Variants in OPA1 observed in about 807,000 individuals in gnomAD.
OPA1 encodes dynamin-like GTPase OPA1, mitochondrial.
OPA1 carries 59 observed loss-of-function variants against 152.9 expected under a neutral mutation model. The ratio of observed to expected loss-of-function variants is 0.39; its 90% confidence interval spans 0.31 to 0.48. The LOEUF (loss-of-function observed/expected upper bound fraction) is 0.48. Among genes scored for constraint, OPA1 ranks in the 20% least tolerant of loss-of-function variants. The probability of loss-of-function intolerance (pLI) is 0.96; values close to 1 mark genes in which losing one functional copy is unlikely to be tolerated. For missense variants in OPA1, 1,008 were observed against 1,216.8 expected (o/e 0.83, Z 2.55); for synonymous variants, 400 against 389.9 (o/e 1.03, Z -0.31).
intron 1 of OPA1, among the ~76,000 whole-genome samples, chr3:193,611,769 G>A (rs1728284770): frequency 6.6e-6 from 1 of 151,992 alleles, no homozygotes; most frequent in African/African-American, 2.4e-5. Context: ...ACTCCTTGCT[G>A]TACTTTGAGC....
Position 193,635,121 on chromosome 3 carries a change from A to G in OPA1, c.844-297A>G, listed in dbSNP as rs183081446. Among the ~76,000 whole-genome samples the G allele has an allele frequency of 4.2e-3, 640 of 152,342 alleles. 1 individual carries two copies. The highest frequency in any genetic ancestry group is 6.7e-3 in the Non-Finnish European group (454 of 68,022). On this transcript the variant is annotated intron_variant, in intron 8 of 30. Transcript: ENST00000361510. The stretch of plus-strand genomic sequence containing the variant: ...CCCTTCTAGAATGTATTTAAGAACT[A>G]CTTCTTTAAATTCTTACGTTTTCAC...
intron 1 of OPA1, among the ~76,000 whole-genome samples, chr3:193,610,424 T>C (rs893939391): frequency 6.6e-6 from 1 of 152,200 alleles, no homozygotes; most frequent in African/African-American, 2.4e-5. Context: ...TACCCGGCCA[T>C]GTGAGGTGTC....
intron 3 of OPA1, 53 bp from the exon 4 acceptor site, chr3:193,617,125 G>C: frequency 1.9e-6 from 2 of 1,067,036 alleles, no homozygotes; most frequent in Non-Finnish European, 2.9e-6. Flanking sequence ...TATAAGAATA[G>C]TATCTGACAT....
At chr3:193,643,348 T>C in intron 13 of OPA1, 25 bp from the exon 14 acceptor site, 1 of 1,557,334 alleles carries the variant, frequency 6.4e-7, no homozygotes, top group Non-Finnish European at 8.9e-7. Flanking sequence ...TTTAGCATTG[T>C]TTTATTTTTA....
At position 193,690,170 on chromosome 3, in the gene OPA1, C is replaced by T. The variant is rs559490163; in HGVS notation, c.2984-1893C>T. Among the ~76,000 whole-genome samples, 42 of 146,846 alleles carry T rather than the reference C, an allele frequency of 2.9e-4. No homozygotes were observed. The South Asian group carries it at 5.9e-3, about 21-fold the overall frequency. The stretch of plus-strand genomic sequence containing the variant: ...AGCCTACCAAAAAATTGAGACTCAA[C>T]TTCTAGGAGATGGGTTAGGATTTTT... On this transcript the variant is annotated intron_variant, in intron 29 of 30. Transcript: ENST00000361510.
At chr3:193,601,900 C>T (rs76016217) in intron 1 of OPA1, among the ~76,000 whole-genome samples, 2,176 of 152,216 alleles carry the variant, frequency 0.014, 51 homozygotes, top group African/African-American at 0.048. Context: ...GGGGCACTGG[C>T]ACCCTTGGAA....
At chr3:193,622,037 T>C (rs1027026709) in intron 6 of OPA1, among the ~76,000 whole-genome samples, 2 of 152,142 alleles carry the variant, frequency 1.3e-5, no homozygotes, top group Non-Finnish European at 2.9e-5. Context: ...TGTTTCTGAT[T>C]GGTCATAAGC....
rs1179862318 is a variant in OPA1, at chr3:193,695,158, C to T, written c.*558C>T. The T allele has an allele frequency of 6.6e-6, 1 of 151,988 alleles. No individual in the cohort carries two copies. The highest frequency in any genetic ancestry group is 1.5e-5 in the Non-Finnish European group (1 of 67,998). The allele number at this position is 151,988 out of a possible 1,614,324, so 9.4% of individuals were successfully genotyped here. A position where few individuals can be genotyped will look rare whatever the true frequency, so the allele number is the denominator to read the frequency against. The stretch of plus-strand genomic sequence containing the variant: ...AAAGAAAAATGGGTAACAGAAGAAC[C>T]CTTAAAACAGGTTAATTTGGATTGT... On this transcript the variant is annotated 3_prime_UTR_variant, in exon 31 of 31. Coordinates refer to ENST00000361510, the MANE Select transcript of OPA1 (RefSeq NM_130837.3).
In OPA1 at chr3:193,652,904, G is replaced by A. The variant is rs538947170; in HGVS notation, c.2013-1958G>A. On this transcript the variant is annotated intron_variant, in intron 21 of 30. Coordinates refer to ENST00000361510, the MANE Select transcript of OPA1 (RefSeq NM_130837.3). ...GTTGCCTTTAGCTTCTCGGGATTTG[G>A]TAATCAGGATTTTAAAAAGGGTGTC... Among the ~76,000 whole-genome samples the A allele has an allele frequency of 4.3e-4, 65 of 152,222 alleles. 1 individual carries two copies. Among genetic ancestry groups the A allele is most frequent in the South Asian group, 1.9e-3 (9 of 4,808 alleles).
intron 1 of OPA1, among the ~76,000 whole-genome samples, chr3:193,606,286 CTTTAAG>C (rs1049291404): frequency 6.6e-6 from 1 of 151,830 alleles, no homozygotes; most frequent in African/African-American, 2.4e-5. Flanking sequence ...TTTTATTATA[CTTTAAG>C]TTTTAGGGTA....
chr3:193,644,293 G>C, intron 16 of OPA1, 188 bp downstream of exon 16: 1 of 613,862 alleles, frequency 1.6e-6, no homozygotes, highest in Non-Finnish European at 2.7e-6. Context: ...AAGGAAACCA[G>C]GCTCACGTTT....
intron 11 of OPA1, among the ~76,000 whole-genome samples, chr3:193,640,612 T>A (rs1469522991): frequency 6.6e-6 from 1 of 152,222 alleles, no homozygotes. Context: ...GTGAAGTCTG[T>A]TAACAGATCG....
At chr3:193,652,891 T>G (rs776946053) in intron 21 of OPA1, among the ~76,000 whole-genome samples, 24 of 152,058 alleles carry the variant, frequency 1.6e-4, no homozygotes, top group Non-Finnish European at 3.4e-4. Flanking sequence ...TGCCTTTAGC[T>G]TCTCGGGATT....
At chr3:193,610,671 C>CTCCACCCTTG (rs1728069415) in intron 1 of OPA1, among the ~76,000 whole-genome samples, 1 of 152,226 alleles carries the variant, frequency 6.6e-6, no homozygotes, top group South Asian at 2.1e-4. Context: ...CCTTGAGCTG[C>CTCCACCCTTG]AGTGGGCTCC....
intron 6 of OPA1, among the ~76,000 whole-genome samples, chr3:193,625,085 A>G (rs1730845892): frequency 6.6e-6 from 1 of 151,524 alleles, no homozygotes; most frequent in Non-Finnish European, 1.5e-5. Flanking sequence ...GGCTTGTAAC[A>G]TTGTCAAATC....
Position 193,626,098 on chromosome 3 carries a change from C to A in OPA1, c.685C>A (p.Leu229Ile), listed in dbSNP as rs764955203. Reference sequence around the variant, plus strand: ...CATTGTGAACTCGTGGCAGGGTCTGCTTGGTGAGCTCATTCTCTTACAACA... The same window carrying A: ...CATTGTGAACTCGTGGCAGGGTCTGATTGGTGAGCTCATTCTCTTACAACA... ...ESDKHFRKGLLGELILLQQQI... is the reference protein window; with the variant it reads ...ESDKHFRKGLIGELILLQQQI... The change falls in exon 7 of 31, where the codon CTT becomes ATT. Residue 229 changes from leucine to isoleucine, a missense_variant. Transcript: ENST00000361510. 1.9e-6 allele frequency: 3 copies of A among 1,613,612 alleles called. No homozygotes were observed. Among genetic ancestry groups the A allele is most frequent in the Non-Finnish European group, 2.5e-6 (3 of 1,179,572 alleles).
chr3:193,692,877 C>T (rs913245828), intron 30 of OPA1, among the ~76,000 whole-genome samples: 2 of 152,250 alleles, frequency 1.3e-5, no homozygotes, highest in African/African-American at 4.8e-5. Context: ...CCACATCAGC[C>T]TCTCAAGGAA....
At chr3:193,667,810 G>A (rs188294092) in intron 29 of OPA1, among the ~76,000 whole-genome samples, 39 of 151,948 alleles carry the variant, frequency 2.6e-4, no homozygotes, top group Admixed American at 3.9e-4. Flanking sequence ...CATAGCAACC[G>A]AACATTGATA....
rs1452674798 is a variant in OPA1, at chr3:193,596,514, A to G, written c.32+3105A>G. Reference sequence around the variant, plus strand: ...CTTGGCCTCCCAAAATGCCAGGATTACAGGCGTGCGCCACTGCATTTGGCG... The same window carrying G: ...CTTGGCCTCCCAAAATGCCAGGATTGCAGGCGTGCGCCACTGCATTTGGCG... On this transcript the variant is annotated intron_variant, in intron 1 of 30. Coordinates refer to ENST00000361510, the MANE Select transcript of OPA1 (RefSeq NM_130837.3). Among the ~76,000 whole-genome samples, 4 of 151,724 alleles carry G rather than the reference A, an allele frequency of 2.6e-5. No homozygotes were observed. In the East Asian group the frequency reaches 7.7e-4, roughly 29 times the overall value.
Sources: allele counts gnomAD v4.1 joint callset (sites outside exome capture counted in the v4.1 genomes callset), GRCh38; gene constraint gnomAD v4.1.1; transcripts MANE v1.5; gene names NCBI Gene and HGNC (gene_info 2026-07-23, HGNC 2026-07-21).